Variants in CARD8 observed in about 807,000 individuals in gnomAD.
CARD8 encodes caspase recruitment domain-containing protein 8.
In CARD8, 38 loss-of-function variants were observed where a neutral mutation model predicts 53.2. The observed-to-expected ratio is 0.71, with a 90% CI of 0.55 to 0.94. CARD8 has a LOEUF of 0.94. CARD8 is among the 40% of genes least tolerant of loss of function. The pLI is 0.00. For synonymous variants in CARD8, 245 were observed against 244.9 expected (o/e 1.00, Z 0.00); for missense variants, 561 against 655.5 (o/e 0.86, Z 1.57).
chr19:48,234,686 C>T (rs1397139631), intron 5 of CARD8, 143 bp from the exon 6 acceptor site: 1 of 655,882 alleles, frequency 1.5e-6, no homozygotes, highest in Admixed American at 3.3e-5. Context: ...CCCTACGACT[C>T]CATCTCACCT....
chr19:48,238,640 C>A (rs940968798), intron 4 of CARD8, 108 bp from the exon 5 acceptor site: 31 of 1,041,238 alleles, frequency 3.0e-5, no homozygotes, highest in Middle Eastern at 2.0e-4. Flanking sequence ...TTAGAGATAT[C>A]CATCCTTAGA....
intron 12 of CARD8, among the ~76,000 whole-genome samples, chr19:48,215,874 G>A (rs1408228801): frequency 1.3e-5 from 2 of 152,064 alleles, no homozygotes; most frequent in Non-Finnish European, 2.9e-5. Context: ...CTTCAATGTG[G>A]TTTTGCACTT....
At chr19:48,244,440 C>T (rs1428899538) in intron 3 of CARD8, among the ~76,000 whole-genome samples, 5 of 152,108 alleles carry the variant, frequency 3.3e-5, no homozygotes, top group Admixed American at 3.3e-4. Context: ...GGAGGAAGTG[C>T]AGAGTGAGAA....
intron 3 of CARD8, among the ~76,000 whole-genome samples, chr19:48,248,200 C>T (rs1420588404): frequency 1.3e-5 from 2 of 152,036 alleles, no homozygotes; most frequent in African/African-American, 2.4e-5. Context: ...TTTTAAAAAA[C>T]ATGTAATAAA....
downstream of CARD8, among the ~76,000 whole-genome samples, chr19:48,204,637 G>A (rs2037276703): frequency 6.6e-6 from 1 of 152,130 alleles, no homozygotes. Flanking sequence ...GGACAGATGT[G>A]ACTATAGACG....
At chr19:48,232,036 T>C in intron 7 of CARD8, 1 of 618,140 alleles carries the variant, frequency 1.6e-6, no homozygotes, top group Non-Finnish European at 3.0e-6. Flanking sequence ...TAAGACTTTC[T>C]GGGAAGCCAG....
chr19:48,211,796 C>T lies in CARD8; in HGVS notation c.1528G>A (p.Gly510Arg), dbSNP rs2038019739. Residue 510 changes from glycine to arginine, a missense_variant, in exon 14 of 14, where the codon GGG (glycine) becomes AGG (arginine). By Grantham distance (125) the Gly-to-Arg change is moderately radical (BLOSUM62 -2). Transcript: ENST00000651546. Reference sequence around the variant, plus strand: ...AAGAGCACGTCCAGGGCCAGGTCCCCTTTCTTCTCCACCATGCTCAGCAAG... The same window carrying T: ...AAGAGCACGTCCAGGGCCAGGTCCCTTTTCTTCTCCACCATGCTCAGCAAG... ...EALLSMVEKKGDLALDVLFRS... is the reference protein window; with the variant it reads ...EALLSMVEKKRDLALDVLFRS... 1.2e-6 allele frequency: 2 copies of T among 1,614,180 alleles called. No individual in the cohort carries two copies. The highest frequency in any genetic ancestry group is 1.7e-6 in the Non-Finnish European group (2 of 1,180,044).
Position 48,223,802 on chromosome 19 carries a change from A to G in CARD8, c.1036-1947T>C, listed in dbSNP as rs1401511470. The G allele has an allele frequency of 3.3e-5, 15 of 455,508 alleles. No individual in the cohort carries two copies. In the Admixed American group the frequency reaches 3.3e-4, roughly 10 times the overall value. The allele number at this position is 455,508 out of a possible 1,614,324, so 28.2% of individuals were successfully genotyped here. A position where few individuals can be genotyped will look rare whatever the true frequency, so the allele number is the denominator to read the frequency against. ...TATTTTTCCTATAGCATTCCATGTA[A>G]TATCTTTGGTTGTCATGTTTTTGCC... On this transcript the variant is annotated intron_variant, in intron 10 of 13. Transcript: ENST00000651546.
intron 10 of CARD8, among the ~76,000 whole-genome samples, chr19:48,223,250 G>A (rs1292394603): frequency 1.3e-5 from 2 of 151,624 alleles, no homozygotes; most frequent in Non-Finnish European, 2.9e-5. Context: ...TTTGCAGTGA[G>A]TCGGGATCGC....
Position 48,209,788 on chromosome 19 carries a change from A to G in CARD8, c.*1922T>C, listed in dbSNP as rs975714506. 2.0e-5 allele frequency: 3 copies of G among 152,342 alleles called. No individual in the cohort carries two copies. Among genetic ancestry groups the G allele is most frequent in the Admixed American group, 1.3e-4 (2 of 15,272 alleles). 9.4% of individuals were successfully genotyped at this position (152,342 alleles called of 1,614,324 possible). ...ACTGTTGATTTCAAACTAGGTTTAGAGTAGCAAAGCATATGAATTTTACAG... is the reference window on the plus strand; with the variant it reads ...ACTGTTGATTTCAAACTAGGTTTAGGGTAGCAAAGCATATGAATTTTACAG... On this transcript the variant is annotated 3_prime_UTR_variant, in exon 14 of 14. Coordinates refer to ENST00000651546, the MANE Select transcript of CARD8 (RefSeq NM_001184900.3).
rs1392604026 is a variant in CARD8, at chr19:48,221,770, T to C, written c.1121A>G (p.Tyr374Cys). Residue 374 changes from tyrosine to cysteine, a missense_variant, in exon 11 of 14, where the codon TAT (tyrosine) becomes TGT (cysteine). Transcript: ENST00000651546. ...PMEPLNFGSS[Y>C]IVSNSANLKV... is the part of the protein sequence containing the mutation. ...CAGGTTAGCAGAATTAGACACAATA[T>C]AACTGGAACCAAAGTTCAGGGGTTC... The C allele has an allele frequency of 2.5e-6, 4 of 1,608,228 alleles. No individual in the cohort carries two copies. Among genetic ancestry groups the C allele is most frequent in the Non-Finnish European group, 3.4e-6 (4 of 1,175,756 alleles).
At chr19:48,223,609 TA>T (rs1185925377) in intron 10 of CARD8, 1 of 298,350 alleles carries the variant, frequency 3.4e-6, no homozygotes, top group East Asian at 8.8e-5. Flanking sequence ...CAGATATGTT[TA>T]AATTAAATTA....
chr19:48,227,907 C>T (rs1206349334), intron 10 of CARD8, among the ~76,000 whole-genome samples: 2 of 152,172 alleles, frequency 1.3e-5, no homozygotes, highest in East Asian at 3.8e-4. Context: ...GGCCGCAGAC[C>T]AGTACCAGTG....
At chr19:48,218,747 C>A in intron 12 of CARD8, 124 bp downstream of exon 12, 1 of 1,087,542 alleles carries the variant, frequency 9.2e-7, no homozygotes, top group Non-Finnish European at 1.3e-6. Flanking sequence ...TGTTTTAACA[C>A]TGACAATAGA....
chr19:48,205,380 C>A (rs542480681), downstream of CARD8, among the ~76,000 whole-genome samples: 1 of 152,096 alleles, frequency 6.6e-6, no homozygotes, highest in East Asian at 1.9e-4. Flanking sequence ...CAGGTGCGCA[C>A]CACCACGCCC....
chr19:48,247,901 T>C (rs1487092003), intron 3 of CARD8, among the ~76,000 whole-genome samples: 2 of 151,698 alleles, frequency 1.3e-5, no homozygotes, highest in Admixed American at 6.6e-5. Flanking sequence ...CATTGTATCA[T>C]ATGTATTCTC....
At chr19:48,248,325 T>C (rs1032346660) in intron 3 of CARD8, among the ~76,000 whole-genome samples, 1 of 152,046 alleles carries the variant, frequency 6.6e-6, no homozygotes, top group Non-Finnish European at 1.5e-5. Context: ...GACCAGTCTG[T>C]GCCACACAGC....
chr19:48,235,884 A>C (rs1404349578), intron 5 of CARD8, among the ~76,000 whole-genome samples: 1 of 152,216 alleles, frequency 6.6e-6, no homozygotes, highest in East Asian at 1.9e-4. Context: ...ATTATTACTG[A>C]AGACAACTTT....
intron 12 of CARD8, among the ~76,000 whole-genome samples, chr19:48,217,071 G>C (rs1320772132): frequency 6.6e-6 from 1 of 152,002 alleles, no homozygotes; most frequent in Non-Finnish European, 1.5e-5. Context: ...GTTCACAATA[G>C]GGTTCGCGCT....
Sources: gnomAD v4.1 joint callset for allele counts (sites outside exome capture counted in the v4.1 genomes callset) on GRCh38, gnomAD v4.1.1 for gene constraint, MANE v1.5 for transcripts, NCBI Gene and HGNC (gene_info 2026-07-23, HGNC 2026-07-21) for gene names.